C6orf58: variants seen among roughly 807,000 people sequenced by gnomAD.
The protein encoded by C6orf58 is chromosome 6 open reading frame 58, also known as protein LEG1 homolog.
Under a neutral mutation model 37.0 loss-of-function variants are expected in C6orf58, and 30 were observed. The observed-to-expected ratio is 0.81, with a 90% CI of 0.61 to 1.10. The LOEUF is 1.10. Among genes scored for constraint, C6orf58 ranks in the 50% least tolerant of loss-of-function variants. C6orf58 has a pLI of 0.00. For synonymous variants in C6orf58, 143 were observed against 134.1 expected (o/e 1.07, Z -0.46); for missense variants, 368 against 387.5 (o/e 0.95, Z 0.42).
At chr6:127,583,836 A>C (rs936308601) in intron 4 of C6orf58, among the ~76,000 whole-genome samples, 2 of 152,228 alleles carry the variant, frequency 1.3e-5, no homozygotes, top group Non-Finnish European at 2.9e-5. Context: ...ATTTTGAGTC[A>C]TATCAGAGTT....
At position 127,581,246 on chromosome 6, in the gene C6orf58, C is replaced by T; in HGVS notation, c.638C>T (p.Ser213Leu). ...AAGTACTTATGGGCTGCACACACTTCAACCTTGGCAGATAATATCAAAAGT... is the reference window on the plus strand; with the variant it reads ...AAGTACTTATGGGCTGCACACACTTTAACCTTGGCAGATAATATCAAAAGT... The part of the protein sequence containing the change: ...LLKYLWAAHT[S>L]TLADNIKSFE... The change falls in exon 4 of 6, where the codon TCA (serine) becomes TTA (leucine). Residue 213 changes from serine (S) to leucine (L), a missense_variant. Coordinates refer to ENST00000329722, the MANE Select transcript of C6orf58 (RefSeq NM_001010905.3). The T allele has an allele frequency of 1.3e-6, 2 of 1,529,594 alleles. No individual in the cohort carries two copies. The highest frequency in any genetic ancestry group is 1.8e-6 in the Non-Finnish European group (2 of 1,133,572). 94.8% of individuals were successfully genotyped at this position (1,529,594 alleles called of 1,614,324 possible). A position where few individuals can be genotyped will look rare whatever the true frequency, so the allele number is the denominator to read the frequency against.
chr6:127,584,809 G>A lies in C6orf58; in HGVS notation c.674+3527G>A, dbSNP rs574731557. ...AAAAAAAAAAAAAAAAGTCAGTTTTGTATTTCCAAATCAGGTCAATAGCTT... is the reference window on the plus strand; with the variant it reads ...AAAAAAAAAAAAAAAAGTCAGTTTTATATTTCCAAATCAGGTCAATAGCTT... On this transcript the variant is annotated intron_variant, in intron 4 of 5. Transcript: ENST00000329722. Among the ~76,000 whole-genome samples, 39 of 150,252 alleles carry A rather than the reference G, an allele frequency of 2.6e-4. 1 individual carries two copies. The East Asian group carries it at 4.3e-3, about 17-fold the overall frequency.
chr6:127,590,265 G>T lies in C6orf58; in HGVS notation c.853G>T (p.Ala285Ser). Reference sequence around the variant, plus strand: ...AGCCCCTTTCATCAGTGACTTTACTGCTTTTCAGAATGTAGTCCTGGTTCT... The same window carrying T: ...AGCCCCTTTCATCAGTGACTTTACTTCTTTTCAGAATGTAGTCCTGGTTCT... ...DVAPFISDFT[A>S]FQNVVLVLLN... is the part of the protein sequence containing the mutation. The change falls in exon 5 of 6, where the codon GCT becomes TCT. Residue 285 changes from alanine to serine, a missense_variant. Coordinates refer to ENST00000329722, the MANE Select transcript of C6orf58 (RefSeq NM_001010905.3). 1.2e-6 allele frequency: 2 copies of T among 1,613,340 alleles called. No individual in the cohort carries two copies. The highest frequency in any genetic ancestry group is 1.7e-6 in the Non-Finnish European group (2 of 1,179,762).
At position 127,579,456 on chromosome 6, in the gene C6orf58, G is replaced by A. The variant is rs377197244; in HGVS notation, c.388+684G>A. Among the ~76,000 whole-genome samples, 8 of 152,102 alleles carry A rather than the reference G, an allele frequency of 5.3e-5. No individual in the cohort carries two copies. In the East Asian group the frequency reaches 5.8e-4, roughly 11 times the overall value. ...CCCCTAGTTCTTTTAAAAGACTCGC[G>A]AATAGTAGTGGCCACAGATCTAGAA... On this transcript the variant is annotated intron_variant, in intron 2 of 5. Transcript: ENST00000329722.
intron 4 of C6orf58, among the ~76,000 whole-genome samples, chr6:127,586,453 G>C (rs1775107205): frequency 6.6e-6 from 1 of 151,862 alleles, no homozygotes; most frequent in Non-Finnish European, 1.5e-5. Flanking sequence ...CCTGTGTAAG[G>C]TGCAAATTCC....
intron 5 of C6orf58, among the ~76,000 whole-genome samples, chr6:127,590,908 G>A (rs1210855008): frequency 1.3e-5 from 2 of 152,020 alleles, no homozygotes; most frequent in African/African-American, 4.8e-5. Flanking sequence ...ATGAACTGAA[G>A]CATTGAGCCA....
At chr6:127,577,951 T>G (rs562239680) in intron 1 of C6orf58, among the ~76,000 whole-genome samples, 2 of 152,256 alleles carry the variant, frequency 1.3e-5, no homozygotes, top group Admixed American at 6.6e-5. Flanking sequence ...GTTTGCTTCC[T>G]CTTGGAAATA....
chr6:127,579,628 T>A (rs929640129), intron 2 of C6orf58, among the ~76,000 whole-genome samples: 14 of 152,020 alleles, frequency 9.2e-5, no homozygotes, highest in African/African-American at 3.4e-4. Flanking sequence ...AAGCCTAATA[T>A]CCAACTAATG....
At chr6:127,578,831 C>G in intron 2 of C6orf58, 59 bp downstream of exon 2, 1 of 1,268,468 alleles carries the variant, frequency 7.9e-7, no homozygotes, top group Non-Finnish European at 1.1e-6. Flanking sequence ...AGCATTCAAA[C>G]CTAAAATCTT....
intron 4 of C6orf58, among the ~76,000 whole-genome samples, chr6:127,584,600 C>G (rs1260625118): frequency 6.6e-6 from 1 of 151,948 alleles, no homozygotes; most frequent in Non-Finnish European, 1.5e-5. Context: ...TATGGGAAAC[C>G]CCGTCTCTAG....
intron 4 of C6orf58, among the ~76,000 whole-genome samples, chr6:127,584,547 C>A (rs1351357830): frequency 6.6e-6 from 1 of 152,116 alleles, no homozygotes; most frequent in African/African-American, 2.4e-5. Context: ...GATGCCAATG[C>A]AGGCAGATCA....
chr6:127,578,336 G>A (rs1340343151), intron 1 of C6orf58, among the ~76,000 whole-genome samples: 3 of 152,050 alleles, frequency 2.0e-5, no homozygotes, highest in African/African-American at 4.8e-5. Context: ...CTAGTAAGTG[G>A]TAGAGCAGGG....
At chr6:127,579,000 A>C (rs1775020169) in intron 2 of C6orf58, among the ~76,000 whole-genome samples, 2 of 152,142 alleles carry the variant, frequency 1.3e-5, no homozygotes, top group South Asian at 4.1e-4. Flanking sequence ...GAAGGACGAA[A>C]ACAAGGTTCT....
chr6:127,589,407 A>C (rs1187861643), intron 4 of C6orf58, among the ~76,000 whole-genome samples: 1 of 152,242 alleles, frequency 6.6e-6, no homozygotes, highest in African/African-American at 2.4e-5. Flanking sequence ...TCATAGAAAC[A>C]GAAGACATGA....
intron 4 of C6orf58, among the ~76,000 whole-genome samples, chr6:127,584,103 G>A (rs1775080157): frequency 1.3e-5 from 2 of 152,166 alleles, no homozygotes; most frequent in African/African-American, 2.4e-5. Context: ...TTCCAGGAAT[G>A]CCCTATAAGG....
At chr6:127,591,042 A>C (rs893532416) in intron 5 of C6orf58, among the ~76,000 whole-genome samples, 1 of 152,188 alleles carries the variant, frequency 6.6e-6, no homozygotes, top group African/African-American at 2.4e-5. Context: ...TAACAAAAAC[A>C]TCCAAACACT....
chr6:127,580,053 A>G (rs899623458), intron 2 of C6orf58, among the ~76,000 whole-genome samples: 2 of 152,064 alleles, frequency 1.3e-5, no homozygotes, highest in African/African-American at 4.8e-5. Flanking sequence ...AATATGTTAT[A>G]TATTTATGAC....
In C6orf58 at chr6:127,577,396, ACAGC is replaced by A; in HGVS notation, c.215_218del (p.Ala72GlyfsTer31). 6.2e-7 allele frequency: 1 copy of A among 1,613,618 alleles called. No homozygotes were observed. ...GATGTATAAAATCATATTGAATCAGACAGCCAGGTATTTTGCAAAATTTGCACCA... is the reference window on the plus strand; with the variant it reads ...GATGTATAAAATCATATTGAATCAGACAGGTATTTTGCAAAATTTGCACCA... On this transcript the variant is annotated frameshift_variant, in exon 1 of 6. Coordinates refer to ENST00000329722, the MANE Select transcript of C6orf58 (RefSeq NM_001010905.3). LOFTEE classifies it high-confidence loss of function.
At chr6:127,577,575 GT>G in intron 1 of C6orf58, 89 bp downstream of exon 1, 1 of 1,098,462 alleles carries the variant, frequency 9.1e-7, no homozygotes, top group South Asian at 1.4e-5. Context: ...ACCCTACTAT[GT>G]TTTTAAAAAT....
Sources: allele counts gnomAD v4.1 joint callset (sites outside exome capture counted in the v4.1 genomes callset), GRCh38; gene constraint gnomAD v4.1.1; transcripts MANE v1.5; gene names NCBI Gene and HGNC (gene_info 2026-07-23, HGNC 2026-07-21).